The following AP3B2 variants were observed in gnomAD, a reference collection of about 807,000 sequenced individuals.
AP3B2 encodes AP-3 complex subunit beta-2.
Under a neutral mutation model 126.9 loss-of-function variants are expected in AP3B2, and 50 were observed. The observed-to-expected ratio is 0.39, with a 90% CI of 0.31 to 0.50. The LOEUF is 0.50. Among genes scored for constraint, AP3B2 ranks in the 20% least tolerant of loss-of-function variants. AP3B2 has a pLI of 0.79. For synonymous variants in AP3B2, 541 were observed against 565.0 expected (o/e 0.96, Z 0.60); for missense variants, 1,177 against 1,426.4 (o/e 0.83, Z 2.82).
chr15:82,662,675 C>A lies in AP3B2; in HGVS notation c.2833+19G>T. On this transcript the variant is annotated intron_variant, in intron 23 of 26. Coordinates refer to ENST00000535359, the MANE Select transcript of AP3B2 (RefSeq NM_001278512.2). ...TGCCCAGGAGCCTCCTCCTCCACCCCATCCAAAGCCCTTCGCACCAATTTC... is the reference window on the plus strand; with the variant it reads ...TGCCCAGGAGCCTCCTCCTCCACCCAATCCAAAGCCCTTCGCACCAATTTC... 2 of 1,596,634 alleles carry A rather than the reference C, an allele frequency of 1.3e-6. No individual in the cohort carries two copies. The highest frequency in any genetic ancestry group is 2.3e-5 in the East Asian group (1 of 44,256).
At position 82,663,143 on chromosome 15, in the gene AP3B2, G is replaced by T. The variant is rs764472241; in HGVS notation, c.2588C>A (p.Ser863Tyr). Residue 863 changes from serine (S) to tyrosine (Y), a missense_variant, in exon 22 of 27, where the codon TCC becomes TAC. Ser to Tyr is a moderately radical substitution (Grantham distance 144, BLOSUM62 -2). Around this residue, in one of 5 missense-constraint regions of AP3B2, gnomAD observed 587 missense variants for 571.3 expected, o/e 1.03. Coordinates refer to ENST00000535359, the MANE Select transcript of AP3B2 (RefSeq NM_001278512.2). ...ADLEGLTLTD[S>Y]TLVPSLLSPV... ...CCCACTCACCGACGGTACCAGGGTGGAGTCTGTGAGTGTCAGGCCCTCCAG... is the reference window on the plus strand; with the variant it reads ...CCCACTCACCGACGGTACCAGGGTGTAGTCTGTGAGTGTCAGGCCCTCCAG... 1 of 1,611,420 alleles carries T rather than the reference G, an allele frequency of 6.2e-7. No homozygotes were observed. The highest frequency in any genetic ancestry group is 2.2e-5 in the East Asian group (1 of 44,832).
At chr15:82,689,036 C>T in intron 3 of AP3B2, 122 bp downstream of exon 3, 3 of 1,197,282 alleles carry the variant, frequency 2.5e-6, no homozygotes, top group South Asian at 1.3e-5. Context: ...CTTCTCCTGG[C>T]TCAGAGACAT....
chr15:82,667,666 C>T (rs901110402), intron 14 of AP3B2, among the ~76,000 whole-genome samples: 1 of 152,244 alleles, frequency 6.6e-6, no homozygotes, highest in Admixed American at 6.5e-5. Context: ...TATCAAGTGC[C>T]TTCTGGCACC....
rs2048336653 is a variant in AP3B2 at position 82,681,304 on chromosome 15, A to G, written c.521+116T>C. The G allele has an allele frequency of 3.3e-6, 5 of 1,532,192 alleles. No homozygotes were observed. In the Admixed American group the frequency reaches 5.7e-5, roughly 17 times the overall value. The allele number at this position is 1,532,192 out of a possible 1,614,324, so 94.9% of individuals were successfully genotyped here. A position where few individuals can be genotyped will look rare whatever the true frequency, so the allele number is the denominator to read the frequency against. ...CTCCTCCATCTCTGTCAGTCCCCCA[A>G]ACTACCCTCCTCAAACCCTCTGAGA... On this transcript the variant is annotated intron_variant, in intron 5 of 26. Coordinates refer to ENST00000535359, the MANE Select transcript of AP3B2 (RefSeq NM_001278512.2). The surrounding 1 kb of genome is among the most constrained non-coding windows in gnomAD (Gnocchi z 4.0).
chr15:82,662,234 T>C lies in AP3B2; in HGVS notation c.2852A>G (p.Glu951Gly). Residue 951 changes from glutamate to glycine, a missense_variant, in exon 24 of 27, where the codon GAA (glutamate) becomes GGA (glycine). By Grantham distance (98) the Glu-to-Gly change is moderately conservative. Around this residue, in one of 5 missense-constraint regions of AP3B2, gnomAD observed 587 missense variants for 571.3 expected, o/e 1.03. Transcript: ENST00000535359. ...FPEIESLAPGESATAVMGINF... is the reference protein window; with the variant it reads ...FPEIESLAPGGSATAVMGINF... ...AATGCCCATTACAGCAGTGGCAGAT[T>C]CTCCAGGTGCCAGGGACTCTGAAGT... The C allele has an allele frequency of 6.3e-7, 1 of 1,599,712 alleles. No individual in the cohort carries two copies. The highest frequency in any genetic ancestry group is 8.5e-7 in the Non-Finnish European group (1 of 1,172,792).
chr15:82,687,793 C>G (rs1410970961), intron 4 of AP3B2: 2 of 152,230 alleles, frequency 1.3e-5, no homozygotes, highest in African/African-American at 4.8e-5. Flanking sequence ...CTTTCACAAT[C>G]TCTCTCACAG....
At chr15:82,677,607 A>G in intron 12 of AP3B2, 64 bp downstream of exon 12, 1 of 1,482,320 alleles carries the variant, frequency 6.7e-7, no homozygotes, top group Non-Finnish European at 9.0e-7. Flanking sequence ...AGTGGCCAGC[A>G]GAGTCAGACC....
chr15:82,672,059 A>G (rs2048168237), intron 14 of AP3B2, among the ~76,000 whole-genome samples: 3 of 152,228 alleles, frequency 2.0e-5, no homozygotes, highest in South Asian at 4.2e-4. Context: ...AACAAACAAA[A>G]ACTAAAAATA....
At chr15:82,697,050 G>T (rs1256739505) in intron 1 of AP3B2, among the ~76,000 whole-genome samples, 3 of 152,072 alleles carry the variant, frequency 2.0e-5, no homozygotes, top group Non-Finnish European at 4.4e-5. Context: ...TTAAAAATCA[G>T]GCCGGGCACG....
In AP3B2 at chr15:82,666,343, C is replaced by A. The variant is rs760693753; in HGVS notation, c.1852+404G>T. On this transcript the variant is annotated intron_variant, in intron 15 of 26. Coordinates refer to ENST00000535359, the MANE Select transcript of AP3B2 (RefSeq NM_001278512.2). ...AGTGACTAAGCTCACAGAATGCAGG[C>A]AACTGCTTTCTCAGGACCTTTATAA... 2.4e-4 allele frequency among the ~76,000 whole-genome samples: 36 copies of A among 152,248 alleles called. 1 individual carries two copies. The highest frequency in any genetic ancestry group is 2.6e-4 in the Non-Finnish European group (18 of 68,040).
chr15:82,663,283 T>C, intron 21 of AP3B2, 50 bp from the exon 22 acceptor site: 1 of 1,438,174 alleles, frequency 7.0e-7, no homozygotes, highest in Non-Finnish European at 9.7e-7. Flanking sequence ...GTGGCTTGGG[T>C]TGAGCAGGGA....
Position 82,659,464 on chromosome 15 carries a change from G to A in AP3B2, c.*96C>T. Reference sequence around the variant, plus strand: ...CCTGAATGCTATCTGGCATGAGGAGGATGATGAGAGAGAGAGAGAAAGATG... The same window carrying A: ...CCTGAATGCTATCTGGCATGAGGAGAATGATGAGAGAGAGAGAGAAAGATG... On this transcript the variant is annotated 3_prime_UTR_variant, in exon 27 of 27. Transcript: ENST00000535359. The A allele has an allele frequency of 6.7e-7, 1 of 1,497,818 alleles. No individual in the cohort carries two copies. Among genetic ancestry groups the A allele is most frequent in the Non-Finnish European group, 9.1e-7 (1 of 1,097,526 alleles). The allele number at this position is 1,497,818 out of a possible 1,614,324, so 92.8% of individuals were successfully genotyped here.
At chr15:82,691,950 C>T in intron 1 of AP3B2, 2 of 1,396,844 alleles carry the variant, frequency 1.4e-6, no homozygotes, top group Non-Finnish European at 2.0e-6. Context: ...ACCATCCCCA[C>T]ACCGTCCTTC....
intron 4 of AP3B2, among the ~76,000 whole-genome samples, chr15:82,682,870 T>C (rs558002721): frequency 1.3e-5 from 2 of 151,810 alleles, no homozygotes; most frequent in East Asian, 1.9e-4. Flanking sequence ...GAGGATTGCT[T>C]GAGCCTAGGA....
chr15:82,660,119 A>C (rs551946829), intron 25 of AP3B2, 136 bp from the exon 26 acceptor site: 2 of 1,160,830 alleles, frequency 1.7e-6, no homozygotes, highest in South Asian at 3.0e-5. Flanking sequence ...TTAAATCATC[A>C]GTCTTGGGGA....
At chr15:82,687,642 A>G (rs544191961) in intron 4 of AP3B2, 1 of 152,138 alleles carries the variant, frequency 6.6e-6, no homozygotes, top group East Asian at 1.9e-4. Flanking sequence ...CATGCTTTCT[A>G]CTCTCACCCC....
chr15:82,693,596 C>T (rs373285379), intron 1 of AP3B2, among the ~76,000 whole-genome samples: 1 of 151,894 alleles, frequency 6.6e-6, no homozygotes, highest in African/African-American at 2.4e-5. Context: ...AAATAAATCC[C>T]GCATTTGCTT....
At chr15:82,672,361 A>T (rs1414762937) in intron 14 of AP3B2, among the ~76,000 whole-genome samples, 1 of 152,230 alleles carries the variant, frequency 6.6e-6, no homozygotes, top group Non-Finnish European at 1.5e-5. Context: ...CCAAGCACAG[A>T]AAAACAAACT....
Position 82,665,230 on chromosome 15 carries a change from TCACAC to T in AP3B2, c.2028+12_2028+16del, listed in dbSNP as rs2048030619. 1.3e-6 allele frequency: 2 copies of T among 1,536,852 alleles called. No individual in the cohort carries two copies. The highest frequency in any genetic ancestry group is 4.9e-5 in the East Asian group (2 of 41,048). ...GACAGGGCAGGGGAGAGAGCACACGTCACACGAAGGTGGGACCTCAGTGTATTCGC... is the reference window on the plus strand; with the variant it reads ...GACAGGGCAGGGGAGAGAGCACACGTGAAGGTGGGACCTCAGTGTATTCGC... On this transcript the variant is annotated intron_variant, in intron 17 of 26. Transcript: ENST00000535359. This position sits in a 1 kb window ranked among gnomAD's most constrained non-coding sequence, Gnocchi z 4.4.
Sources: gnomAD v4.1 joint callset for allele counts (sites outside exome capture counted in the v4.1 genomes callset) on GRCh38, gnomAD v4.1.1 for gene constraint, gnomAD v4.1.1 regional missense constraint, Gnocchi (gnomAD v3.1) non-coding constraint, MANE v1.5 for transcripts, NCBI Gene and HGNC (gene_info 2026-07-23, HGNC 2026-07-21) for gene names.